The following ELOVL2 variants were observed in gnomAD, a reference collection of about 807,000 sequenced individuals.
ELOVL2 encodes ELOVL fatty acid elongase 2.
Under a neutral mutation model 37.7 loss-of-function variants are expected in ELOVL2, and 38 were observed. That is an observed-to-expected ratio of 1.01 (90% CI 0.78 to 1.32). The LOEUF (loss-of-function observed/expected upper bound fraction) is 1.32. ELOVL2 is among the 40% of genes most tolerant of loss of function. The probability of loss-of-function intolerance (pLI) is 0.00; values close to 1 mark genes in which losing one functional copy is unlikely to be tolerated. For synonymous variants in ELOVL2, 115 were observed against 122.3 expected (o/e 0.94, Z 0.40); for missense variants, 352 against 363.6 (o/e 0.97, Z 0.26).
At chr6:11,024,340 T>C (rs533390545) in intron 1 of ELOVL2, among the ~76,000 whole-genome samples, 1 of 152,336 alleles carries the variant, frequency 6.6e-6, no homozygotes, top group Non-Finnish European at 1.5e-5. Flanking sequence ...AAATGAACAC[T>C]TTTATGAAAT....
chr6:11,026,913 G>A (rs1174797823), intron 1 of ELOVL2, among the ~76,000 whole-genome samples: 1 of 152,130 alleles, frequency 6.6e-6, no homozygotes, highest in Non-Finnish European at 1.5e-5. Context: ...TGGTGCATAT[G>A]ATGTGAAATA....
chr6:11,031,110 G>A lies in ELOVL2; in HGVS notation c.3+13118C>T, dbSNP rs930194996. Among the ~76,000 whole-genome samples the A allele has an allele frequency of 2.6e-5, 4 of 151,960 alleles. No individual in the cohort carries two copies. In the East Asian group the frequency reaches 5.8e-4, roughly 22 times the overall value. ...TTTTGAGATCTATTCATGTTGACAC[G>A]GCAGCTCTGGCTCATTCACTGTAAC... On this transcript the variant is annotated intron_variant, in intron 1 of 7. Coordinates refer to ENST00000354666, the MANE Select transcript of ELOVL2 (RefSeq NM_017770.4).
At position 10,995,141 on chromosome 6, in the gene ELOVL2, G is replaced by T; in HGVS notation, c.371C>A (p.Ser124Ter). 6.2e-7 allele frequency: 1 copy of T among 1,612,768 alleles called. No individual in the cohort carries two copies. The highest frequency in any genetic ancestry group is 8.5e-7 in the Non-Finnish European group (1 of 1,179,406). ...KVLWWYYFSKSVEFLDTIFFV... is the reference protein window; with the variant it reads ...KVLWWYYFSK ...GAAAATTGTGTCCAGGAACTCTACT[G>T]ATTTGGAGAAATAGTACCACCAAAG... Residue 124 changes from serine (S) to a stop codon, truncating the protein, a stop_gained, in exon 5 of 8, where the codon TCA becomes TAA. Coordinates refer to ENST00000354666, the MANE Select transcript of ELOVL2 (RefSeq NM_017770.4). LOFTEE classifies it high-confidence loss of function.
chr6:11,012,907 G>A (rs1247657704), intron 1 of ELOVL2, among the ~76,000 whole-genome samples: 1 of 152,156 alleles, frequency 6.6e-6, no homozygotes, highest in African/African-American at 2.4e-5. Context: ...AAAAATTGCA[G>A]TACCAGTGTC....
intron 1 of ELOVL2, among the ~76,000 whole-genome samples, chr6:11,041,218 C>T (rs1435771840): frequency 6.6e-6 from 1 of 152,204 alleles, no homozygotes; most frequent in Non-Finnish European, 1.5e-5. Context: ...ACATATCCAA[C>T]TGTCCAACCC....
intron 1 of ELOVL2, among the ~76,000 whole-genome samples, chr6:11,032,307 A>T (rs1162839403): frequency 2.7e-5 from 4 of 148,662 alleles, no homozygotes; most frequent in Non-Finnish European, 4.4e-5. Context: ...TAATTTTCAC[A>T]TCTTTTTACA....
intron 1 of ELOVL2, among the ~76,000 whole-genome samples, chr6:11,039,068 C>G (rs1783060021): frequency 6.6e-6 from 1 of 152,134 alleles, no homozygotes; most frequent in South Asian, 2.1e-4. Context: ...AAGTATTAAG[C>G]AGACAGACAT....
Position 10,992,960 on chromosome 6 carries a change from A to AG in ELOVL2, c.505+2046dup, listed in dbSNP as rs1019345430. On this transcript the variant is annotated intron_variant, in intron 5 of 7. Coordinates refer to ENST00000354666, the MANE Select transcript of ELOVL2 (RefSeq NM_017770.4). Reference sequence around the variant, plus strand: ...CTAATCCTAGCACTTTAGGAAGCTGAGGGGGGAGGATTGCTTGAGCCCACG... The same window carrying AG: ...CTAATCCTAGCACTTTAGGAAGCTGAGGGGGGGAGGATTGCTTGAGCCCACG... 1.2e-4 allele frequency among the ~76,000 whole-genome samples: 19 copies of AG among 152,256 alleles called. 1 individual carries two copies. The Middle Eastern group carries it at 0.02, about 164-fold the overall frequency.
Position 11,005,485 on chromosome 6 carries a change from A to G in ELOVL2, c.142T>C (p.Ser48Pro). The G allele has an allele frequency of 6.2e-7, 1 of 1,614,194 alleles. No homozygotes were observed. Among genetic ancestry groups the G allele is most frequent in the Non-Finnish European group, 8.5e-7 (1 of 1,180,012 alleles). The change falls in exon 3 of 8, where the codon TCA becomes CCA. Residue 48 changes from serine to proline, a missense_variant. Transcript: ENST00000354666. ...ATATACTTGTTACCCAGCCATATTG[A>G]GAGCAGATACATGACAGTAAGAAAA... ...TFFLTVMYLL[S>P]IWLGNKYMKN... is the part of the protein sequence containing the mutation.
chr6:10,990,978 G>T (rs1262624022), intron 5 of ELOVL2, among the ~76,000 whole-genome samples: 1 of 152,196 alleles, frequency 6.6e-6, no homozygotes, highest in African/African-American at 2.4e-5. Flanking sequence ...AAAGGAGACA[G>T]AGAAGGCTGG....
At chr6:11,027,736 G>A (rs908006162) in intron 1 of ELOVL2, among the ~76,000 whole-genome samples, 18 of 151,848 alleles carry the variant, frequency 1.2e-4, no homozygotes, top group South Asian at 2.1e-4. Context: ...AACTTATCCC[G>A]TTCTCCTCTC....
At chr6:11,036,777 C>T (rs938128910) in intron 1 of ELOVL2, among the ~76,000 whole-genome samples, 1 of 152,204 alleles carries the variant, frequency 6.6e-6, no homozygotes, top group East Asian at 1.9e-4. Flanking sequence ...TTGGAGAACA[C>T]TCTGCATAGA....
chr6:11,037,191 G>GAGACA (rs944995443), intron 1 of ELOVL2, among the ~76,000 whole-genome samples: 1 of 150,912 alleles, frequency 6.6e-6, no homozygotes, highest in Non-Finnish European at 1.5e-5. Flanking sequence ...GAGAGGGAAA[G>GAGACA]AGAGAGGCAG....
chr6:11,018,316 C>T (rs1581875241), intron 1 of ELOVL2, among the ~76,000 whole-genome samples: 1 of 152,092 alleles, frequency 6.6e-6, no homozygotes, highest in East Asian at 1.9e-4. Flanking sequence ...CCAACCTATA[C>T]TAAAAAATGT....
At chr6:10,999,447 C>T (rs2113497424) in intron 4 of ELOVL2, among the ~76,000 whole-genome samples, 1 of 151,292 alleles carries the variant, frequency 6.6e-6, no homozygotes, top group South Asian at 2.1e-4. Flanking sequence ...ACAATCTCGG[C>T]TCACCACAAC....
intron 1 of ELOVL2, among the ~76,000 whole-genome samples, chr6:11,024,778 AT>A (rs1256089124): frequency 2.0e-5 from 3 of 152,226 alleles, no homozygotes; most frequent in Non-Finnish European, 4.4e-5. Flanking sequence ...AAAAGTACAA[AT>A]TTCTCAAAAG....
chr6:11,035,029 T>A (rs1229115493), intron 1 of ELOVL2, among the ~76,000 whole-genome samples: 3 of 151,994 alleles, frequency 2.0e-5, no homozygotes, highest in Non-Finnish European at 2.9e-5. Context: ...ATAAATAAAA[T>A]AATAATTAAA....
Position 10,983,652 on chromosome 6 carries a change from TG to T in ELOVL2, c.*128del. The T allele has an allele frequency of 2.0e-6, 2 of 1,013,822 alleles. No individual in the cohort carries two copies. The highest frequency in any genetic ancestry group is 2.8e-6 in the Non-Finnish European group (2 of 714,894). 62.8% of individuals were successfully genotyped at this position (1,013,822 alleles called of 1,614,324 possible). A position where few individuals can be genotyped will look rare whatever the true frequency, so the allele number is the denominator to read the frequency against. On this transcript the variant is annotated 3_prime_UTR_variant, in exon 8 of 8. Transcript: ENST00000354666. ...CTAATAGCAATATATTAATACATTC[TG>T]GGTACAAATGATTTATGAACTCAAA...
In ELOVL2 at chr6:11,044,140, G is replaced by T; in HGVS notation, c.3+88C>A. 1 of 1,349,114 alleles carries T rather than the reference G, an allele frequency of 7.4e-7. No individual in the cohort carries two copies. The highest frequency in any genetic ancestry group is 9.6e-7 in the Non-Finnish European group (1 of 1,037,488). 83.6% of individuals were successfully genotyped at this position (1,349,114 alleles called of 1,614,324 possible). On this transcript the variant is annotated intron_variant, in intron 1 of 7. Transcript: ENST00000354666. The surrounding 1 kb of genome is among the most constrained non-coding windows in gnomAD (Gnocchi z 5.6). ...GCGAACCCGCAGCGCCCGCGCCGGC[G>T]CCCGCTCGGCCCTTTCCCGCCCGGT...
Sources: allele counts gnomAD v4.1 joint callset (sites outside exome capture counted in the v4.1 genomes callset), GRCh38; gene constraint gnomAD v4.1.1; non-coding constraint Gnocchi (gnomAD v3.1); transcripts MANE v1.5; gene names NCBI Gene and HGNC (gene_info 2026-07-23, HGNC 2026-07-21).